Variants in NOP14 observed in about 807,000 individuals in gnomAD.
NOP14 encodes the protein nucleolar protein 14.
NOP14 carries 57 observed loss-of-function variants against 101.6 expected under a neutral mutation model. The observed-to-expected ratio is 0.56, with a 90% CI of 0.45 to 0.70. The LOEUF is 0.70. Among genes scored for constraint, NOP14 ranks in the 30% least tolerant of loss-of-function variants. NOP14 has a pLI of 0.00. For synonymous variants in NOP14, 428 were observed against 424.0 expected, an observed-to-expected ratio of 1.01 and a Z score of -0.12; for missense variants, 1,134 against 1,075.5, an observed-to-expected ratio of 1.05 and a Z score of -0.76.
chr4:2,942,308 C>T lies in NOP14; in HGVS notation c.1935G>A (p.Ser645=), dbSNP rs778767912. 18 of 1,614,028 alleles carry T rather than the reference C, an allele frequency of 1.1e-5. No homozygotes were observed. Among genetic ancestry groups the T allele is most frequent in the Middle Eastern group, 1.6e-4 (1 of 6,084 alleles). ...VHPFRALGKN[S]ELLVVSARED... ...CTCTAGCAGACACCACGAGCAGTTC[C>T]GAGTTCTTCCCAAGCGCTCTGAAAG... The change falls in exon 14 of 18, where the codon TCG becomes TCA. Residue 645 remains serine (S), a synonymous_variant. Transcript: ENST00000416614.
rs139157761 is a variant in NOP14, at chr4:2,940,849, T to C, written c.2199+733A>G. On this transcript the variant is annotated intron_variant, in intron 15 of 17. Coordinates refer to ENST00000416614, the MANE Select transcript of NOP14 (RefSeq NM_001291978.2). ...ACTACTCCAGAGACGAAGCCAGGCC[T>C]GCGAGGAGGCCGGAGCGCATGAGGG... 807 of 152,948 alleles carry C rather than the reference T, an allele frequency of 5.3e-3. 3 individuals are homozygous for C. Among genetic ancestry groups the C allele is most frequent in the African/African-American group, 0.018 (747 of 41,560 alleles). 9.5% of individuals were successfully genotyped at this position (152,948 alleles called of 1,614,324 possible).
In NOP14 at chr4:2,952,277, C is replaced by T. The variant is rs1000019339; in HGVS notation, c.868G>A (p.Glu290Lys). The change falls in exon 6 of 18, where the codon GAG (glutamate) becomes AAG (lysine). Residue 290 changes from glutamate to lysine, a missense_variant and splice_region_variant. Glu to Lys is a moderately conservative substitution (Grantham distance 56). Coordinates refer to ENST00000416614, the MANE Select transcript of NOP14 (RefSeq NM_001291978.2). ...KEEQEHLRKL[E>K]AERLRRMLGK... ...CTCCTGAGGTGCTGCCACCCTACCT[C>T]CAGCTTCCTGAGGTGCTCCTGCTCT... The T allele has an allele frequency of 6.2e-7, 1 of 1,613,386 alleles. No homozygotes were observed.
intron 9 of NOP14, 155 bp from the exon 10 acceptor site, chr4:2,947,766 C>T: frequency 1.5e-6 from 1 of 647,470 alleles, no homozygotes. Context: ...AAAATGTAAG[C>T]AAATACACTG....
chr4:2,952,260 G>A lies in NOP14; in HGVS notation c.870+15C>T, dbSNP rs1373366200. 2 of 1,612,276 alleles carry A rather than the reference G, an allele frequency of 1.2e-6. No individual in the cohort carries two copies. The highest frequency in any genetic ancestry group is 1.1e-5 in the South Asian group (1 of 91,038). ...ACAGCAGCACAGCCCTGCTCCTGAG[G>A]TGCTGCCACCCTACCTCCAGCTTCC... On this transcript the variant is annotated intron_variant, in intron 6 of 17. Transcript: ENST00000416614.
rs770801827 is a variant in NOP14, at chr4:2,950,055, C to A, written c.1161G>T (p.Glu387Asp). ...CTGGCTTCTCGTTTTCTTCCTCACT[C>A]TCCACGTTGGATTCCAGGTCCAAGT... The part of the protein sequence containing the change: ...DSHLDLESNV[E>D]SEEENEKPAK... The change falls in exon 8 of 18, where the codon GAG (glutamate) becomes GAT (aspartate). Residue 387 changes from glutamate (E) to aspartate (D), a missense_variant. Coordinates refer to ENST00000416614, the MANE Select transcript of NOP14 (RefSeq NM_001291978.2). 1.1e-5 allele frequency: 17 copies of A among 1,614,038 alleles called. No homozygotes were observed. Among genetic ancestry groups the A allele is most frequent in the Non-Finnish European group, 1.3e-5 (15 of 1,180,014 alleles).
At chr4:2,956,555 T>G in intron 3 of NOP14, 115 bp downstream of exon 3, 8 of 1,053,692 alleles carry the variant, frequency 7.6e-6, no homozygotes, top group Non-Finnish European at 1.1e-5. Flanking sequence ...TAATGATCAG[T>G]AAAACTTTCA....
chr4:2,948,518 A>C, intron 8 of NOP14, 110 bp from the exon 9 acceptor site: 1 of 816,732 alleles, frequency 1.2e-6, no homozygotes, highest in Non-Finnish European at 1.7e-6. Flanking sequence ...GCAGTGGTGC[A>C]ATCTCAGCTC....
intron 7 of NOP14, chr4:2,950,439 G>A: frequency 3.4e-6 from 2 of 583,550 alleles, no homozygotes; most frequent in Non-Finnish European, 6.1e-6. Context: ...CCCTGCGGCA[G>A]GATGCTGGGC....
In NOP14 at chr4:2,938,753, C is replaced by T. The variant is rs1318528076; in HGVS notation, c.*78G>A. On this transcript the variant is annotated 3_prime_UTR_variant, in exon 18 of 18. Coordinates refer to ENST00000416614, the MANE Select transcript of NOP14 (RefSeq NM_001291978.2). Reference sequence around the variant, plus strand: ...GAACTCCTGGGCTGAAGCAATCTTCCTGCCTTGGCCTCCCAGAGGGTTGGA... The same window carrying T: ...GAACTCCTGGGCTGAAGCAATCTTCTTGCCTTGGCCTCCCAGAGGGTTGGA... The T allele has an allele frequency of 3.3e-6, 4 of 1,205,414 alleles. No individual in the cohort carries two copies. In the African/African-American group the frequency reaches 4.6e-5, roughly 14 times the overall value. The allele number at this position is 1,205,414 out of a possible 1,614,324, so 74.7% of individuals were successfully genotyped here. A position where few individuals can be genotyped will look rare whatever the true frequency, so the allele number is the denominator to read the frequency against.
Position 2,953,650 on chromosome 4 carries a change from G to A in NOP14, c.613-5C>T. On this transcript the variant is annotated splice_polypyrimidine_tract_variant and splice_region_variant and intron_variant, in intron 4 of 17. Transcript: ENST00000416614. ...TCGTTGAGCTTGTCTCTCCCTCTGG[G>A]GAAAAAATAACAGACACACACCACA... 1.2e-6 allele frequency: 2 copies of A among 1,613,678 alleles called. No individual in the cohort carries two copies. The highest frequency in any genetic ancestry group is 8.5e-7 in the Non-Finnish European group (1 of 1,179,904).
chr4:2,957,850 A>ACCACCG, intron 1 of NOP14, 110 bp from the exon 2 acceptor site: 1 of 1,094,314 alleles, frequency 9.1e-7, no homozygotes, highest in Admixed American at 2.6e-5. Flanking sequence ...AGTGATGTCA[A>ACCACCG]AGTTCACACC....
rs1271684489 is a variant in NOP14 at position 2,939,241 on chromosome 4, G to A, written c.2421C>T (p.Ile807=). The part of the protein sequence containing the change: ...KREFKGAVRE[I]RKDNQFLARM... The stretch of plus-strand genomic sequence containing the variant: ...TCGCCAGGAACTGATTGTCCTTGCG[G>A]ATTTCTCGAACGGCCCCTTTAAATT... Residue 807 remains isoleucine (I), a synonymous_variant, in exon 17 of 18, where the codon ATC becomes ATT. Coordinates refer to ENST00000416614, the MANE Select transcript of NOP14 (RefSeq NM_001291978.2). 6.2e-7 allele frequency: 1 copy of A among 1,614,028 alleles called. No individual in the cohort carries two copies. The highest frequency in any genetic ancestry group is 1.1e-5 in the South Asian group (1 of 91,090).
At chr4:2,952,029 C>T (rs1036745480) in intron 6 of NOP14, among the ~76,000 whole-genome samples, 4 of 151,676 alleles carry the variant, frequency 2.6e-5, no homozygotes, top group Non-Finnish European at 5.9e-5. Flanking sequence ...ATCACTTGAA[C>T]CCAGGAGGTG....
At chr4:2,944,761 C>T (rs1479780611) in intron 12 of NOP14, among the ~76,000 whole-genome samples, 2 of 152,204 alleles carry the variant, frequency 1.3e-5, no homozygotes, top group African/African-American at 4.8e-5. Context: ...ACGATTACTG[C>T]ACTAAGCATG....
chr4:2,959,285 A>T (rs932053556), intron 1 of NOP14, among the ~76,000 whole-genome samples: 2 of 152,232 alleles, frequency 1.3e-5, no homozygotes, highest in African/African-American at 4.8e-5. Context: ...GCAGTGCTAA[A>T]CAATGTTTGT....
In NOP14 at chr4:2,943,382, C is replaced by T. The variant is rs148444335; in HGVS notation, c.1891+691G>A. Among the ~76,000 whole-genome samples, 738 of 152,346 alleles carry T rather than the reference C, an allele frequency of 4.8e-3. 1 individual carries two copies. The highest frequency in any genetic ancestry group is 7.5e-3 in the Non-Finnish European group (509 of 68,040). ...CAACCTCTGGTCAGGCTGGGAGAGG[C>T]GTCCACAGACATGGAAGAGCTCAGG... On this transcript the variant is annotated intron_variant, in intron 13 of 17. Transcript: ENST00000416614.
chr4:2,948,436 A>G, intron 8 of NOP14, 28 bp from the exon 9 acceptor site: 2 of 1,560,696 alleles, frequency 1.3e-6, no homozygotes, highest in Non-Finnish European at 8.7e-7. Context: ...CATACTGCAC[A>G]TTTAACATTT....
At chr4:2,949,876 C>A in intron 8 of NOP14, 58 bp downstream of exon 8, 1 of 1,598,778 alleles carries the variant, frequency 6.3e-7, no homozygotes, top group Non-Finnish European at 8.6e-7. Context: ...ACACACACAG[C>A]TATGGCCAGG....
chr4:2,962,370 C>T (rs1281835361), intron 1 of NOP14, among the ~76,000 whole-genome samples: 4 of 152,278 alleles, frequency 2.6e-5, no homozygotes, highest in African/African-American at 9.6e-5. Flanking sequence ...GTCGTCTTCG[C>T]GCAGTAAGGA....
Sources: allele counts gnomAD v4.1 joint callset (sites outside exome capture counted in the v4.1 genomes callset), GRCh38; gene constraint gnomAD v4.1.1; transcripts MANE v1.5; gene names NCBI Gene and HGNC (gene_info 2026-07-23, HGNC 2026-07-21).